Variants in NT5DC3 observed in about 807,000 individuals in gnomAD.
NT5DC3 encodes 5'-nucleotidase domain containing 3, also known as 5'-nucleotidase domain-containing protein 3.
In NT5DC3, 42 loss-of-function variants were observed where a neutral mutation model predicts 67.8. The observed-to-expected ratio is 0.62, with a 90% CI of 0.48 to 0.80. The LOEUF is 0.80. Ranked by LOEUF, NT5DC3 falls within the 30% of genes least tolerant of loss-of-function variation. The probability of loss-of-function intolerance (pLI) is 0.00; values close to 1 mark genes in which losing one functional copy is unlikely to be tolerated. For synonymous variants in NT5DC3, 237 were observed against 255.6 expected (o/e 0.93, Z 0.69); for missense variants, 570 against 696.4 (o/e 0.82, Z 2.04).
intron 2 of NT5DC3, among the ~76,000 whole-genome samples, chr12:103,808,318 C>T (rs948906473): frequency 6.6e-6 from 1 of 152,204 alleles, no homozygotes; most frequent in Non-Finnish European, 1.5e-5. Context: ...CCTCTGCCCT[C>T]GGAGCATAGA....
chr12:103,796,857 C>G (rs777282372), intron 6 of NT5DC3, 37 bp downstream of exon 6: 3 of 1,612,032 alleles, frequency 1.9e-6, no homozygotes, highest in Non-Finnish European at 2.5e-6. Flanking sequence ...AAGGCTGAAA[C>G]AGACTCAGCA....
chr12:103,765,691 C>T (rs1163707988), downstream of NT5DC3, among the ~76,000 whole-genome samples: 1 of 152,168 alleles, frequency 6.6e-6, no homozygotes, highest in African/African-American at 2.4e-5. Context: ...GCTGGGCCTA[C>T]AGGCATGTGC....
intron 1 of NT5DC3, among the ~76,000 whole-genome samples, chr12:103,834,151 G>A (rs1260987794): frequency 1.3e-5 from 2 of 151,992 alleles, no homozygotes; most frequent in Non-Finnish European, 2.9e-5. Flanking sequence ...ATCCCTTGGG[G>A]AACAAAACTG....
chr12:103,749,204 C>T, the NT5DC3 span: 16 of 1,539,694 alleles, frequency 1.0e-5, no homozygotes, highest in South Asian at 1.4e-4. Flanking sequence ...CCGTGGGCTT[C>T]GCTCCTCCTT....
intron 1 of NT5DC3, among the ~76,000 whole-genome samples, chr12:103,834,075 C>A (rs1888045301): frequency 1.3e-5 from 2 of 151,934 alleles, no homozygotes; most frequent in Non-Finnish European, 2.9e-5. Context: ...GCAACCCTGG[C>A]CTCTAGAGGC....
At chr12:103,753,335 G>A in the NT5DC3 span, 2 of 1,614,242 alleles carry the variant, frequency 1.2e-6, no homozygotes, top group African/African-American at 2.7e-5. Flanking sequence ...CCTACAACCA[G>A]CTCTCCTATG....
At chr12:103,840,421 A>ATCTCATCTCATCTCATCTCC (rs534475248) in intron 1 of NT5DC3, among the ~76,000 whole-genome samples, 1,514 of 143,004 alleles carry the variant, frequency 0.011, 25 homozygotes, top group Middle Eastern at 0.021. Context: ...ATCTCATCTC[A>ATCTCATCTCATCTCATCTCC]TTCCATCCCA....
downstream of NT5DC3, chr12:103,766,461 CT>C (rs1884973136): frequency 8.9e-7 from 1 of 1,118,092 alleles, no homozygotes; most frequent in Non-Finnish European, 1.3e-6. Flanking sequence ...TACCTCATCT[CT>C]CTGGCTGATC....
chr12:103,807,033 T>C (rs1049867241), intron 2 of NT5DC3, 104 bp from the exon 3 acceptor site: 2 of 691,190 alleles, frequency 2.9e-6, no homozygotes, highest in South Asian at 1.6e-5. Context: ...GATACACCAG[T>C]GGGAGGTTGG....
At chr12:103,832,511 TCTC>T (rs147291004) in intron 1 of NT5DC3, among the ~76,000 whole-genome samples, 27,527 of 151,840 alleles carry the variant, frequency 0.18, 2,622 homozygotes, top group Middle Eastern at 0.3. Context: ...AATTATTTAA[TCTC>T]CTTTTTGTAT....
intron 11 of NT5DC3, among the ~76,000 whole-genome samples, chr12:103,786,870 A>G (rs1192755861): frequency 3.3e-5 from 5 of 151,914 alleles, no homozygotes. Context: ...TTTAGTAGAG[A>G]CAGGGTTTCA....
At position 103,793,524 on chromosome 12, in the gene NT5DC3, A is replaced by G; in HGVS notation, c.815-12T>C. ...GCAGATGTACTTTTCTAAGAGCAAG[A>G]GAAAAATTCACACACAGATTCAGCA... On this transcript the variant is annotated splice_polypyrimidine_tract_variant and intron_variant, in intron 7 of 13. Coordinates refer to ENST00000392876, the MANE Select transcript of NT5DC3 (RefSeq NM_001031701.3). 1 of 1,589,946 alleles carries G rather than the reference A, an allele frequency of 6.3e-7. No homozygotes were observed. The highest frequency in any genetic ancestry group is 8.6e-7 in the Non-Finnish European group (1 of 1,159,216).
the NT5DC3 span, chr12:103,761,535 C>A: frequency 2.5e-6 from 2 of 790,842 alleles, no homozygotes; most frequent in South Asian, 3.6e-5. Flanking sequence ...GAGCCTCCAG[C>A]CTCCAACCTC....
At chr12:103,832,171 C>G (rs140293859) in intron 1 of NT5DC3, among the ~76,000 whole-genome samples, 1 of 151,702 alleles carries the variant, frequency 6.6e-6, no homozygotes, top group Non-Finnish European at 1.5e-5. Context: ...TTTTTTTCAG[C>G]GTGTGGGTAT....
chr12:103,841,057 G>T lies in NT5DC3; in HGVS notation c.100C>A (p.Arg34=). The T allele has an allele frequency of 1.6e-6, 2 of 1,259,036 alleles. No individual in the cohort carries two copies. Among genetic ancestry groups the T allele is most frequent in the Non-Finnish European group, 9.9e-7 (1 of 1,005,322 alleles). 78.0% of individuals were successfully genotyped at this position (1,259,036 alleles called of 1,614,324 possible). The change falls in exon 1 of 14, where the codon CGG becomes AGG. Residue 34 remains arginine, a synonymous_variant. Coordinates refer to ENST00000392876, the MANE Select transcript of NT5DC3 (RefSeq NM_001031701.3). ...RGGCGTAARG[R]PCAGPARPLC... ...GGCCGGGCGGGGCCCGCACACGGCC[G>T]CCCCCGAGCCGCGGTCCCGCAGCCA... is the stretch of plus-strand genomic sequence containing the variant.
chr12:103,785,085 G>T (rs1442799649), intron 12 of NT5DC3, among the ~76,000 whole-genome samples: 1 of 152,162 alleles, frequency 6.6e-6, no homozygotes, highest in African/African-American at 2.4e-5. Context: ...CCACAGGAGA[G>T]CTCCTAGCAG....
chr12:103,763,050 T>C, the NT5DC3 span, among the ~76,000 whole-genome samples: 1 of 152,258 alleles, frequency 6.6e-6, no homozygotes, highest in Non-Finnish European at 1.5e-5. Context: ...TGCTGCCTTC[T>C]GGCAGACAGC....
At chr12:103,796,159 C>A (rs761997868) in intron 6 of NT5DC3, among the ~76,000 whole-genome samples, 1 of 152,212 alleles carries the variant, frequency 6.6e-6, no homozygotes, top group Non-Finnish European at 1.5e-5. Context: ...AAAAGGCATC[C>A]CTTCTGGGCA....
chr12:103,785,188 G>T, intron 12 of NT5DC3, 147 bp downstream of exon 12: 1 of 730,994 alleles, frequency 1.4e-6, no homozygotes, highest in Non-Finnish European at 2.3e-6. Flanking sequence ...ACACTGTCTA[G>T]GCAAAAGAAC....
Sources: allele counts gnomAD v4.1 joint callset (sites outside exome capture counted in the v4.1 genomes callset), GRCh38; gene constraint gnomAD v4.1.1; transcripts MANE v1.5; gene names NCBI Gene and HGNC (gene_info 2026-07-23, HGNC 2026-07-21).